MACROH2A1: variants seen among roughly 807,000 people sequenced by gnomAD.
The protein encoded by MACROH2A1 is macroH2A.1 histone.
MACROH2A1 carries 2 observed loss-of-function variants against 31.6 expected under a neutral mutation model. The ratio of observed to expected loss-of-function variants is 0.06; its 90% CI spans 0.03 to 0.20. The LOEUF (loss-of-function observed/expected upper bound fraction) is 0.20, where lower values mean the gene tolerates loss of function less well. Ranked by LOEUF, MACROH2A1 falls within the 10% of genes least tolerant of loss-of-function variation. The pLI, the probability that MACROH2A1 is intolerant of heterozygous loss-of-function variation, is 1.00. For missense variants in MACROH2A1, 230 were observed against 474.0 expected, an observed-to-expected ratio of 0.49 and a Z score of 4.78; for synonymous variants, 169 against 189.6, an observed-to-expected ratio of 0.89 and a Z score of 0.89.
chr5:135,359,883 A>C (rs2149799788), intron 5 of MACROH2A1: 1 of 985,000 alleles, frequency 1.0e-6, no homozygotes, highest in African/African-American at 1.7e-5. Context: ...TATTTTCAAT[A>C]AAAGTGAATT....
intron 2 of MACROH2A1, among the ~76,000 whole-genome samples, chr5:135,373,568 G>A (rs952200108): frequency 1.3e-5 from 2 of 152,188 alleles, no homozygotes; most frequent in African/African-American, 4.8e-5. Context: ...GGGAATCAGG[G>A]ATGCCACACT....
chr5:135,392,619 C>T (rs1038139314), intron 1 of MACROH2A1, among the ~76,000 whole-genome samples: 1 of 152,154 alleles, frequency 6.6e-6, no homozygotes, highest in Non-Finnish European at 1.5e-5. Flanking sequence ...CCAGATAAAC[C>T]CATGAATGTG....
At position 135,398,379 on chromosome 5, in the gene MACROH2A1, T is replaced by C. The variant is rs2150011050; in HGVS notation, c.-34+683A>G. Among the ~76,000 whole-genome samples the C allele has an allele frequency of 6.6e-6, 1 of 152,216 alleles. No individual in the cohort carries two copies. Among genetic ancestry groups the C allele is most frequent in the East Asian group, 1.9e-4 (1 of 5,152 alleles). ...CCTTTTAAAAAAAGCAAACCCTTCC[T>C]ACCACAAAGCAAACAAAAGGCTGAT... On this transcript the variant is annotated intron_variant, in intron 1 of 8. Coordinates refer to ENST00000511689, the MANE Select transcript of MACROH2A1 (RefSeq NM_138610.3). This position sits in a 1 kb window ranked among gnomAD's most constrained non-coding sequence, Gnocchi z 4.6.
At chr5:135,358,543 T>G in intron 5 of MACROH2A1, 1 of 985,256 alleles carries the variant, frequency 1.0e-6, no homozygotes, top group Non-Finnish European at 1.2e-6. Context: ...TCTGTCTGGG[T>G]CTACATTCAG....
intron 2 of MACROH2A1, among the ~76,000 whole-genome samples, chr5:135,387,290 G>C (rs745409693): frequency 3.3e-5 from 5 of 152,192 alleles, no homozygotes; most frequent in Non-Finnish European, 7.3e-5. Flanking sequence ...TTGCTAAGCA[G>C]AAAGTCAGAA....
intron 4 of MACROH2A1, chr5:135,361,161 A>G (rs1376585883): frequency 5.3e-6 from 1 of 188,278 alleles, no homozygotes; most frequent in African/African-American, 2.4e-5. Flanking sequence ...CCCTTGACCC[A>G]TGGTTCTTGG....
At chr5:135,384,798 G>A (rs767451908) in intron 2 of MACROH2A1, among the ~76,000 whole-genome samples, 15 of 152,232 alleles carry the variant, frequency 9.9e-5, no homozygotes, top group Non-Finnish European at 2.1e-4. Flanking sequence ...TGATGAGACA[G>A]TTACTGTGAT....
chr5:135,338,728 T>C (rs547985648), intron 8 of MACROH2A1, among the ~76,000 whole-genome samples: 2 of 152,272 alleles, frequency 1.3e-5, no homozygotes, highest in African/African-American at 4.8e-5. Context: ...CCCCTCTGAA[T>C]AGCCATTCCT....
chr5:135,376,217 G>A (rs1299485842), intron 2 of MACROH2A1, among the ~76,000 whole-genome samples: 1 of 152,124 alleles, frequency 6.6e-6, no homozygotes, highest in Non-Finnish European at 1.5e-5. Context: ...CTCCTCTACT[G>A]TTGTTAAGCC....
chr5:135,375,328 G>A (rs578200913), intron 2 of MACROH2A1, among the ~76,000 whole-genome samples: 9 of 152,282 alleles, frequency 5.9e-5, no homozygotes, highest in Admixed American at 3.9e-4. Context: ...TTTTAAGGCC[G>A]CTTGACAAAA....
chr5:135,383,746 T>TGTGTGTGTGTGTG (rs1581331556), intron 2 of MACROH2A1, among the ~76,000 whole-genome samples: 1 of 147,482 alleles, frequency 6.8e-6, no homozygotes, highest in East Asian at 2.0e-4. Flanking sequence ...TGTGTGTGTG[T>TGTGTGTGTGTGTG]TTTAATTTTA....
At chr5:135,372,443 G>A (rs1764287737) in intron 2 of MACROH2A1, among the ~76,000 whole-genome samples, 1 of 152,254 alleles carries the variant, frequency 6.6e-6, no homozygotes, top group Non-Finnish European at 1.5e-5. Context: ...GTTTACCAGT[G>A]GAGGAGGGAG....
chr5:135,343,243 C>G lies in MACROH2A1; in HGVS notation c.953+17G>C. 1 of 1,613,638 alleles carries G rather than the reference C, an allele frequency of 6.2e-7. No homozygotes were observed. Among genetic ancestry groups the G allele is most frequent in the East Asian group, 2.2e-5 (1 of 44,886 alleles). ...AGACACACCCATGACCGATACGTAA[C>G]AAGCATGTGCCCCTACCTGCCGCTG... is the stretch of plus-strand genomic sequence containing the variant. On this transcript the variant is annotated intron_variant, in intron 8 of 8. Transcript: ENST00000511689.
chr5:135,352,129 G>T (rs1761661000), intron 6 of MACROH2A1, among the ~76,000 whole-genome samples: 1 of 152,200 alleles, frequency 6.6e-6, no homozygotes, highest in Non-Finnish European at 1.5e-5. Context: ...ATACAAAATA[G>T]ATTGCAGTTG....
chr5:135,357,709 G>A, intron 5 of MACROH2A1: 1 of 983,854 alleles, frequency 1.0e-6, no homozygotes, highest in Non-Finnish European at 1.2e-6. Context: ...CAAAGCAAAA[G>A]CATTTAGTTG....
rs372554859 is a variant in MACROH2A1 at position 135,365,384 on chromosome 5, C to T, written c.477+4022G>A. ...GTCACTTCAATGGCCAAATACCTTA[C>T]TCTGCTGGGGCTCTGCTCCAGTATC... On this transcript the variant is annotated intron_variant, in intron 4 of 8. Transcript: ENST00000511689. Among the ~76,000 whole-genome samples the T allele has an allele frequency of 3.5e-4, 54 of 152,280 alleles. 1 individual carries two copies. The South Asian group carries it at 0.011, about 31-fold the overall frequency.
intron 2 of MACROH2A1, among the ~76,000 whole-genome samples, chr5:135,372,155 C>T (rs1302505892): frequency 6.6e-6 from 1 of 152,206 alleles, no homozygotes; most frequent in East Asian, 1.9e-4. Flanking sequence ...CAACTCTGTG[C>T]TTGGCAGGAG....
intron 5 of MACROH2A1, chr5:135,357,126 C>T (rs1735699855): frequency 6.6e-6 from 1 of 152,216 alleles, no homozygotes; most frequent in African/African-American, 2.4e-5. Flanking sequence ...GCTCTCCCTG[C>T]ATGCATGCAT....
chr5:135,345,915 C>G, intron 7 of MACROH2A1, 53 bp downstream of exon 7: 3 of 1,224,144 alleles, frequency 2.5e-6, no homozygotes, highest in Non-Finnish European at 3.6e-6. Context: ...AAATGGCTTT[C>G]CTAATACTGC....
Sources: allele counts gnomAD v4.1 joint callset (sites outside exome capture counted in the v4.1 genomes callset), GRCh38; gene constraint gnomAD v4.1.1; non-coding constraint Gnocchi (gnomAD v3.1); transcripts MANE v1.5; gene names NCBI Gene and HGNC (gene_info 2026-07-23, HGNC 2026-07-21).